SLC2A2: variants seen among roughly 807,000 people sequenced by gnomAD.
SLC2A2 encodes solute carrier family 2, facilitated glucose transporter member 2.
Under a neutral mutation model 54.5 loss-of-function variants are expected in SLC2A2, and 36 were observed. That is an observed-to-expected ratio of 0.66 (90% CI 0.51 to 0.87). The LOEUF is 0.87. Among genes scored for constraint, SLC2A2 ranks in the 40% least tolerant of loss-of-function variants. The pLI is 0.00. For missense variants in SLC2A2, 543 were observed against 624.3 expected, an observed-to-expected ratio of 0.87 and a Z score of 1.39; for synonymous variants, 223 against 219.1, an observed-to-expected ratio of 1.02 and a Z score of -0.16.
At chr3:171,024,776 G>T (rs1340032665) in intron 1 of SLC2A2, among the ~76,000 whole-genome samples, 1 of 152,260 alleles carries the variant, frequency 6.6e-6, no homozygotes, top group East Asian at 1.9e-4. Context: ...GACAACTCAG[G>T]TCTCTTGACC....
At chr3:171,019,129 G>GTATATATATATA (rs200539659) in intron 1 of SLC2A2, among the ~76,000 whole-genome samples, 1 of 25,040 alleles carries the variant, frequency 4.0e-5, no homozygotes, top group South Asian at 1.3e-3. Context: ...ATATACGTAT[G>GTATATATATATA]TATATATATA....
Position 171,007,270 on chromosome 3 carries a change from G to C in SLC2A2, c.497-7C>G. ...ACCAGGCCTGAAATTAGCCCTGCATGAAACATAAACATAAATGTTAAAGTG... is the reference window on the plus strand; with the variant it reads ...ACCAGGCCTGAAATTAGCCCTGCATCAAACATAAACATAAATGTTAAAGTG... On this transcript the variant is annotated splice_polypyrimidine_tract_variant and splice_region_variant and intron_variant, in intron 4 of 10. Transcript: ENST00000314251. 1 of 1,542,418 alleles carries C rather than the reference G, an allele frequency of 6.5e-7. No individual in the cohort carries two copies. Among genetic ancestry groups the C allele is most frequent in the South Asian group, 1.1e-5 (1 of 89,572 alleles).
At chr3:171,020,891 A>G (rs1276170742) in intron 1 of SLC2A2, among the ~76,000 whole-genome samples, 1 of 150,876 alleles carries the variant, frequency 6.6e-6, no homozygotes, top group African/African-American at 2.4e-5. Context: ...CTCAAAATAT[A>G]TATATTTATT....
intron 7 of SLC2A2, among the ~76,000 whole-genome samples, chr3:171,004,132 A>G (rs1396467861): frequency 6.6e-6 from 1 of 152,016 alleles, no homozygotes; most frequent in African/African-American, 2.4e-5. Context: ...AACTGTGTTC[A>G]GTGCATAGAG....
chr3:171,014,952 G>A (rs1716074042), intron 2 of SLC2A2, among the ~76,000 whole-genome samples: 1 of 152,036 alleles, frequency 6.6e-6, no homozygotes, highest in Admixed American at 6.6e-5. Context: ...ATAAATGAAG[G>A]GAACATGTAA....
At chr3:171,000,796 G>T (rs921542084) in intron 8 of SLC2A2, among the ~76,000 whole-genome samples, 37 of 152,022 alleles carry the variant, frequency 2.4e-4, no homozygotes, top group Admixed American at 2.2e-3. Context: ...TATATTCAGT[G>T]CATATTTCTA....
At chr3:171,026,046 A>C in intron 1 of SLC2A2, among the ~76,000 whole-genome samples, 1 of 152,174 alleles carries the variant, frequency 6.6e-6, no homozygotes, top group East Asian at 1.9e-4. Flanking sequence ...TTTCACCCCT[A>C]AATACTTTAG....
chr3:171,026,089 AATTAGATACCATT>A (rs1263366237), intron 1 of SLC2A2, among the ~76,000 whole-genome samples: 1 of 152,208 alleles, frequency 6.6e-6, no homozygotes, highest in Non-Finnish European at 1.5e-5. Context: ...CCTCCTACAT[AATTAGATACCATT>A]ATTATATCCA....
At chr3:171,006,302 G>T (rs1560035551) in intron 5 of SLC2A2, among the ~76,000 whole-genome samples, 197 bp from the exon 6 acceptor site, 1 of 149,182 alleles carries the variant, frequency 6.7e-6, no homozygotes, top group African/African-American at 2.5e-5. Context: ...ATTAACCTAG[G>T]TTTTTTTATC....
At chr3:171,018,739 A>C in intron 1 of SLC2A2, 116 bp from the exon 2 acceptor site, 1 of 735,082 alleles carries the variant, frequency 1.4e-6, no homozygotes, top group Non-Finnish European at 2.4e-6. Flanking sequence ...TTTCCCCTCA[A>C]TATCGATTTG....
intron 1 of SLC2A2, among the ~76,000 whole-genome samples, chr3:171,019,709 T>A (rs1716362958): frequency 6.6e-6 from 1 of 152,192 alleles, no homozygotes; most frequent in South Asian, 2.1e-4. Context: ...TTAAAAGGAA[T>A]AATATGATCA....
chr3:171,010,779 T>A (rs1161685334), intron 3 of SLC2A2, among the ~76,000 whole-genome samples: 4 of 152,128 alleles, frequency 2.6e-5, no homozygotes, highest in African/African-American at 9.7e-5. Context: ...CTATAAATTA[T>A]TAGTGACCAA....
rs1043484312 is a variant in SLC2A2, at chr3:170,997,661, C to T, written c.*242G>A. On this transcript the variant is annotated 3_prime_UTR_variant, in exon 11 of 11. Transcript: ENST00000314251. ...AGCTAAAAATATTAGAACCACCTGCCCTTTAGTGTAACAAAATAAACTAGC... is the reference window on the plus strand; with the variant it reads ...AGCTAAAAATATTAGAACCACCTGCTCTTTAGTGTAACAAAATAAACTAGC... 2.0e-6 allele frequency: 1 copy of T among 497,514 alleles called. No individual in the cohort carries two copies. The highest frequency in any genetic ancestry group is 3.5e-6 in the Non-Finnish European group (1 of 281,990). 30.8% of individuals were successfully genotyped at this position (497,514 alleles called of 1,614,324 possible).
In SLC2A2 at chr3:171,009,964, A is replaced by G. The variant is rs1445887606; in HGVS notation, c.490T>C (p.Tyr164His). The G allele has an allele frequency of 1.9e-6, 3 of 1,600,656 alleles. No individual in the cohort carries two copies. The highest frequency in any genetic ancestry group is 3.4e-5 in the Admixed American group (2 of 58,688). Residue 164 changes from tyrosine to histidine, a missense_variant, in exon 4 of 11, where the codon TAT becomes CAT. By Grantham distance (83) the Tyr-to-His change is moderately conservative. This residue lies in a region of SLC2A2 where 318 missense variants were observed against 343.8 expected (regional missense o/e 0.93). Coordinates refer to ENST00000314251, the MANE Select transcript of SLC2A2 (RefSeq NM_000340.2). ...GTGTGTGTGTGTGACTTACCACAAT[A>G]TAGTCCTGATATGCTTCTTCCAGCA... ...IIAGRSISGL[Y>H]CGLISGLVPM...
intron 5 of SLC2A2, 92 bp from the exon 6 acceptor site, chr3:171,006,197 T>C (rs1478732610): frequency 3.4e-6 from 4 of 1,185,894 alleles, no homozygotes; most frequent in Non-Finnish European, 4.8e-6. Context: ...GGCTATTTAA[T>C]AGTAGTCTCT....
chr3:170,996,731 A>G lies in SLC2A2; in HGVS notation c.*1172T>C. 1 of 397,486 alleles carries G rather than the reference A, an allele frequency of 2.5e-6. No homozygotes were observed. Among genetic ancestry groups the G allele is most frequent in the Non-Finnish European group, 4.4e-6 (1 of 225,254 alleles). 24.6% of individuals were successfully genotyped at this position (397,486 alleles called of 1,614,324 possible). A position where few individuals can be genotyped will look rare whatever the true frequency, so the allele number is the denominator to read the frequency against. On this transcript the variant is annotated 3_prime_UTR_variant, in exon 11 of 11. Transcript: ENST00000314251. ...ATGGCCATAGAATAGTTTGGCTAGAATCTGTATACAGCTAAGACAAAGAAG... is the reference window on the plus strand; with the variant it reads ...ATGGCCATAGAATAGTTTGGCTAGAGTCTGTATACAGCTAAGACAAAGAAG...
At chr3:171,006,575 A>G (rs771489395) in intron 5 of SLC2A2, among the ~76,000 whole-genome samples, 2 of 151,978 alleles carry the variant, frequency 1.3e-5, no homozygotes, top group African/African-American at 4.8e-5. Flanking sequence ...AGATAGAACA[A>G]TTACTGTGAT....
chr3:171,010,185 T>C, intron 3 of SLC2A2, 103 bp from the exon 4 acceptor site: 2 of 1,236,290 alleles, frequency 1.6e-6, no homozygotes, highest in Non-Finnish European at 2.3e-6. Context: ...AGAGCAATTA[T>C]TTTAATTTTG....
In SLC2A2 at chr3:171,002,638, T is replaced by C. The variant is rs1461795294; in HGVS notation, c.1006A>G (p.Ser336Gly). 1.2e-6 allele frequency: 2 copies of C among 1,610,784 alleles called. No homozygotes were observed. The highest frequency in any genetic ancestry group is 3.3e-5 in the Admixed American group (2 of 59,736). Residue 336 changes from serine (S) to glycine (G), a missense_variant, in exon 8 of 11, where the codon AGC (serine) becomes GGC (glycine). Ser to Gly is a moderately conservative substitution (Grantham distance 56). Coordinates refer to ENST00000314251, the MANE Select transcript of SLC2A2 (RefSeq NM_000340.2). Reference sequence around the variant, plus strand: ...CCAATGGTTGCATAAACAGGTTTGCTGATACCAGCCGTCTGAAAAATGCTG... The same window carrying C: ...CCAATGGTTGCATAAACAGGTTTGCCGATACCAGCCGTCTGAAAAATGCTG... The part of the protein sequence containing the change: ...STSIFQTAGI[S>G]KPVYATIGVG...
Sources: gnomAD v4.1 joint callset for allele counts (sites outside exome capture counted in the v4.1 genomes callset) on GRCh38, gnomAD v4.1.1 for gene constraint, gnomAD v4.1.1 regional missense constraint, MANE v1.5 for transcripts, NCBI Gene and HGNC (gene_info 2026-07-23, HGNC 2026-07-21) for gene names.